ACTN2: variants seen among roughly 807,000 people sequenced by gnomAD.
The protein encoded by ACTN2 is actinin alpha 2.
ACTN2 carries 39 observed loss-of-function variants against 113.8 expected under a neutral mutation model. The ratio of observed to expected loss-of-function variants is 0.34; its 90% CI spans 0.27 to 0.45. ACTN2 has a LOEUF of 0.45. Ranked by LOEUF, ACTN2 falls within the 20% of genes least tolerant of loss-of-function variation. ACTN2 has a pLI of 1.00. For synonymous variants in ACTN2, 429 were observed against 444.1 expected (o/e 0.97, Z 0.43); for missense variants, 992 against 1,177.9 (o/e 0.84, Z 2.31).
chr1:236,752,514 C>CG (rs1471311998), intron 15 of ACTN2, among the ~76,000 whole-genome samples: 1 of 28,444 alleles, frequency 3.5e-5, no homozygotes, highest in Non-Finnish European at 7.2e-5. Flanking sequence ...GGGGTGGGGG[C>CG]GGGGGGAGGA....
chr1:236,753,772 C>T (rs1346445446), intron 15 of ACTN2, 175 bp from the exon 16 acceptor site: 4 of 794,526 alleles, frequency 5.0e-6, no homozygotes, highest in Admixed American at 1.8e-5. Flanking sequence ...TCCTGTAGTC[C>T]CTAGACTAGG....
chr1:236,761,633 A>T lies in ACTN2; in HGVS notation c.2526+460A>T, dbSNP rs377663208. Reference sequence around the variant, plus strand: ...AGTTAAATATAGCCGTTCAGTCAGTAAAAAATTGGCAAGCTTTTCATTACA... The same window carrying T: ...AGTTAAATATAGCCGTTCAGTCAGTTAAAAATTGGCAAGCTTTTCATTACA... On this transcript the variant is annotated intron_variant, in intron 20 of 20. Coordinates refer to ENST00000366578, the MANE Select transcript of ACTN2 (RefSeq NM_001103.4). Among the ~76,000 whole-genome samples, 40 of 152,330 alleles carry T rather than the reference A, an allele frequency of 2.6e-4. 1 individual carries two copies. The highest frequency in any genetic ancestry group is 1.2e-3 in the East Asian group (6 of 5,192).
intron 4 of ACTN2, among the ~76,000 whole-genome samples, chr1:236,724,845 T>C (rs1658504272): frequency 6.7e-6 from 1 of 149,434 alleles, no homozygotes; most frequent in Admixed American, 6.6e-5. Flanking sequence ...TTCCTTTTTT[T>C]TTTTTTTTTT....
chr1:236,701,775 A>G (rs1657684717), intron 1 of ACTN2, among the ~76,000 whole-genome samples: 1 of 152,244 alleles, frequency 6.6e-6, no homozygotes, highest in African/African-American at 2.4e-5. Flanking sequence ...TCTGAAAATT[A>G]TAAGAATTTA....
chr1:236,729,596 T>C (rs954975764), intron 6 of ACTN2, among the ~76,000 whole-genome samples: 1 of 152,206 alleles, frequency 6.6e-6, no homozygotes. Context: ...GCCCCCAGCC[T>C]GCCTCCATGG....
intron 13 of ACTN2, among the ~76,000 whole-genome samples, chr1:236,748,606 A>G (rs1659304235): frequency 1.3e-5 from 2 of 152,184 alleles, no homozygotes; most frequent in African/African-American, 2.4e-5. Flanking sequence ...ATGCCCAGAA[A>G]GGCAAGAGGT....
intron 4 of ACTN2, among the ~76,000 whole-genome samples, chr1:236,722,381 A>T (rs1291068940): frequency 6.6e-6 from 1 of 152,146 alleles, no homozygotes; most frequent in African/African-American, 2.4e-5. Context: ...TCACGCCTGT[A>T]ACCCCAGCAC....
chr1:236,693,185 A>G (rs771910059), intron 1 of ACTN2, among the ~76,000 whole-genome samples: 29 of 37,740 alleles, frequency 7.7e-4, no homozygotes, highest in Middle Eastern at 0.011. Flanking sequence ...ATGCACACAC[A>G]CACACACACA....
chr1:236,720,453 C>G (rs1173226701), intron 4 of ACTN2, among the ~76,000 whole-genome samples: 1 of 152,140 alleles, frequency 6.6e-6, no homozygotes, highest in Non-Finnish European at 1.5e-5. Context: ...TATTGAGCTT[C>G]TTGATTGCTT....
intron 9 of ACTN2, 142 bp from the exon 10 acceptor site, chr1:236,739,160 C>T (rs1658987306): frequency 4.6e-6 from 4 of 866,826 alleles, no homozygotes; most frequent in Non-Finnish European, 7.6e-6. Flanking sequence ...CTCGTTCATG[C>T]CTCTGTGCGT....
intron 14 of ACTN2, among the ~76,000 whole-genome samples, chr1:236,750,126 C>T (rs746161611): frequency 6.6e-6 from 1 of 151,934 alleles, no homozygotes; most frequent in Non-Finnish European, 1.5e-5. Context: ...AAGTTAATCT[C>T]GGTTAGCCAG....
intron 9 of ACTN2, among the ~76,000 whole-genome samples, chr1:236,737,675 G>A (rs12164643): frequency 0.062 from 9,473 of 151,824 alleles, 359 homozygotes; most frequent in Admixed American, 0.13. Context: ...GAGCTGGCTC[G>A]GGCTCGTGTG....
intron 1 of ACTN2, among the ~76,000 whole-genome samples, chr1:236,709,344 G>GTGTA (rs1553298642): frequency 7.5e-5 from 10 of 133,892 alleles, no homozygotes; most frequent in African/African-American, 2.9e-4. Flanking sequence ...ATATATACGT[G>GTGTA]TATATATATA....
intron 6 of ACTN2, 85 bp downstream of exon 6, chr1:236,727,841 C>A (rs918255201): frequency 7.4e-7 from 1 of 1,349,720 alleles, no homozygotes; most frequent in East Asian, 2.3e-5. Context: ...ACTAGCCTAG[C>A]ACAAACCCCA....
intron 9 of ACTN2, among the ~76,000 whole-genome samples, chr1:236,738,533 A>G (rs1658962333): frequency 6.6e-6 from 1 of 152,216 alleles, no homozygotes. Context: ...TAGGAATTCA[A>G]TTCTTCCTTT....
intron 1 of ACTN2, among the ~76,000 whole-genome samples, chr1:236,696,816 C>T (rs1453522316): frequency 2.0e-5 from 3 of 152,148 alleles, no homozygotes; most frequent in Admixed American, 2.0e-4. Context: ...CAGGCGTGCG[C>T]CACCACGCCC....
chr1:236,718,219 A>G (rs1658278589), intron 2 of ACTN2, among the ~76,000 whole-genome samples: 1 of 152,240 alleles, frequency 6.6e-6, no homozygotes, highest in African/African-American at 2.4e-5. Flanking sequence ...AAACAAAATA[A>G]GAGAAGAAAA....
At chr1:236,740,063 T>C (rs1212719655) in intron 10 of ACTN2, among the ~76,000 whole-genome samples, 1 of 151,628 alleles carries the variant, frequency 6.6e-6, no homozygotes, top group African/African-American at 2.4e-5. Flanking sequence ...CAGCAAAACA[T>C]CTAGAAGGAG....
chr1:236,737,241 C>T (rs981336081), intron 9 of ACTN2, 27 bp downstream of exon 9: 2 of 1,492,300 alleles, frequency 1.3e-6, no homozygotes, highest in South Asian at 1.1e-5. Context: ...ACCTGCAGTT[C>T]TGTCCATCCT....
Sources: allele counts gnomAD v4.1 joint callset (sites outside exome capture counted in the v4.1 genomes callset), GRCh38; gene constraint gnomAD v4.1.1; transcripts MANE v1.5; gene names NCBI Gene and HGNC (gene_info 2026-07-23, HGNC 2026-07-21).